Variants in RSF1 observed in about 807,000 individuals in gnomAD.
RSF1 encodes the protein remodeling and spacing factor 1.
A neutral mutation model predicts 145.2 loss-of-function variants in RSF1; 13 were observed. That is an observed-to-expected ratio of 0.09 (90% confidence interval 0.06 to 0.14). RSF1 has a LOEUF of 0.14. Among genes scored for constraint, RSF1 ranks in the 10% least tolerant of loss-of-function variants. The pLI, the probability that RSF1 is intolerant of heterozygous loss-of-function variation, is 1.00. For synonymous variants in RSF1, 577 were observed against 592.6 expected, an observed-to-expected ratio of 0.97 and a Z score of 0.38; for missense variants, 1,517 against 1,718.2, an observed-to-expected ratio of 0.88 and a Z score of 2.07.
chr11:77,687,890 A>AT (rs1590829958), intron 9 of RSF1, among the ~76,000 whole-genome samples: 1 of 152,314 alleles, frequency 6.6e-6, no homozygotes, highest in South Asian at 2.1e-4. Context: ...TGTTGTCAAA[A>AT]TTTTTTCATC....
intron 1 of RSF1, among the ~76,000 whole-genome samples, chr11:77,795,777 A>G (rs923681446): frequency 1.3e-5 from 2 of 152,250 alleles, no homozygotes; most frequent in Non-Finnish European, 2.9e-5. Context: ...TCTTCAGGAC[A>G]CTGACCTAGG....
chr11:77,676,590 T>C (rs868753794), intron 13 of RSF1, among the ~76,000 whole-genome samples: 6 of 152,336 alleles, frequency 3.9e-5, no homozygotes, highest in Middle Eastern at 6.8e-3. Flanking sequence ...TAAACAACCA[T>C]AAATCTATTT....
intron 14 of RSF1, among the ~76,000 whole-genome samples, chr11:77,674,157 A>G (rs1015735738): frequency 4.6e-5 from 7 of 152,210 alleles, no homozygotes; most frequent in Non-Finnish European, 8.8e-5. Flanking sequence ...ATAAAGGGGC[A>G]TGATATTATC....
chr11:77,660,708 C>T lies in RSF1; in HGVS notation c.*6209G>A, dbSNP rs57229097. 9.2e-5 allele frequency: 14 copies of T among 152,180 alleles called. No homozygotes were observed. The highest frequency in any genetic ancestry group is 3.4e-3 in the Middle Eastern group (1 of 294). 9.4% of individuals were successfully genotyped at this position (152,180 alleles called of 1,614,324 possible). A position where few individuals can be genotyped will look rare whatever the true frequency, so the allele number is the denominator to read the frequency against. On this transcript the variant is annotated 3_prime_UTR_variant, in exon 16 of 16. Transcript: ENST00000308488. ...ACTTTAAATCAAAATTCTAAAGATA[C>T]CATTTATAAATTTTTATGTGGAATT... is the stretch of plus-strand genomic sequence containing the variant.
intron 1 of RSF1, among the ~76,000 whole-genome samples, chr11:77,788,414 T>C (rs758947416): frequency 9.3e-5 from 12 of 128,958 alleles, no homozygotes; most frequent in Admixed American, 4.7e-4. Context: ...AAGGTTAATA[T>C]AAAAAAAGAC....
chr11:77,745,051 T>C (rs1947985448), intron 3 of RSF1, among the ~76,000 whole-genome samples: 2 of 144,908 alleles, frequency 1.4e-5, no homozygotes, highest in Non-Finnish European at 3.0e-5. Context: ...TTCTAGTATA[T>C]ATCCATTTTT....
At chr11:77,828,666 T>G in the RSF1 span, among the ~76,000 whole-genome samples, 1 of 137,652 alleles carries the variant, frequency 7.3e-6, no homozygotes, top group African/African-American at 2.8e-5. Context: ...TGAGACTCCA[T>G]CTCGAAAAAA....
chr11:77,869,783 T>C, the RSF1 span: 3 of 1,614,010 alleles, frequency 1.9e-6, no homozygotes, highest in East Asian at 2.2e-5. Context: ...GTACAGACTC[T>C]TGTGATTGGC....
At chr11:77,688,421 G>C (rs1960066232) in intron 9 of RSF1, among the ~76,000 whole-genome samples, 1 of 152,182 alleles carries the variant, frequency 6.6e-6, no homozygotes, top group Non-Finnish European at 1.5e-5. Flanking sequence ...AAACAGATTT[G>C]AGCAAGATGG....
At chr11:77,827,802 C>A in the RSF1 span, among the ~76,000 whole-genome samples, 1 of 152,038 alleles carries the variant, frequency 6.6e-6, no homozygotes. Context: ...AAAAGGCATC[C>A]AGATTGGCAT....
At chr11:77,756,358 CAA>C (rs936128985) in intron 2 of RSF1, among the ~76,000 whole-genome samples, 20 of 54,302 alleles carry the variant, frequency 3.7e-4, no homozygotes, top group Admixed American at 4.2e-4. Context: ...AACTCTGTCT[CAA>C]AAAAAAAAAA....
chr11:77,806,689 GAGAA>G (rs1286252772), intron 1 of RSF1, among the ~76,000 whole-genome samples: 2 of 150,966 alleles, frequency 1.3e-5, no homozygotes, highest in Admixed American at 6.6e-5. Context: ...TCTAAATAAA[GAGAA>G]AGAAAGAAAG....
At chr11:77,711,939 C>T (rs80331869) in intron 5 of RSF1, among the ~76,000 whole-genome samples, 2,716 of 152,058 alleles carry the variant, frequency 0.018, 80 homozygotes, top group African/African-American at 0.062. Context: ...CTCTTCTGAC[C>T]CTGACACAGT....
intron 1 of RSF1, among the ~76,000 whole-genome samples, chr11:77,817,175 A>T (rs1318354398): frequency 6.6e-6 from 1 of 152,236 alleles, no homozygotes; most frequent in Non-Finnish European, 1.5e-5. Flanking sequence ...CAGAAATAAT[A>T]ACACTTCCAC....
rs750957158 is a variant in RSF1 at position 77,701,065 on chromosome 11, T to G, written c.2164A>C (p.Thr722Pro). Reference protein sequence around the residue: ...PEEETTASENTEITSERQKEG... With the variant: ...PEEETTASENPEITSERQKEG... ...TTCTGCCTTTCAGAGGTTATCTCTG[T>G]ATTTTCTGAGGCAGTGGTTTCTTCT... is the stretch of plus-strand genomic sequence containing the variant. Residue 722 changes from threonine to proline, a missense_variant, in exon 6 of 16, where the codon ACA becomes CCA. This residue lies in a region of RSF1 where 579 missense variants were observed against 553.5 expected (regional missense o/e 1.05). Coordinates refer to ENST00000308488, the MANE Select transcript of RSF1 (RefSeq NM_016578.4). The G allele has an allele frequency of 3.7e-6, 6 of 1,613,884 alleles. No homozygotes were observed. The highest frequency in any genetic ancestry group is 1.6e-4 in the Middle Eastern group (1 of 6,062).
chr11:77,859,763 T>C, the RSF1 span, among the ~76,000 whole-genome samples: 2 of 152,246 alleles, frequency 1.3e-5, no homozygotes, highest in Non-Finnish European at 2.9e-5. Flanking sequence ...AATTACTTGT[T>C]GACAGTTATG....
rs1362052041 is a variant in RSF1, at chr11:77,662,274, C to A, written c.*4643G>T. ...TTATGATGTGCCAGAATTGGGTTTACTGAATTTTCCAAAGTGGTATAAATA... is the reference window on the plus strand; with the variant it reads ...TTATGATGTGCCAGAATTGGGTTTAATGAATTTTCCAAAGTGGTATAAATA... On this transcript the variant is annotated 3_prime_UTR_variant, in exon 16 of 16. Transcript: ENST00000308488. 3 of 151,326 alleles carry A rather than the reference C, an allele frequency of 2.0e-5. No homozygotes were observed. The highest frequency in any genetic ancestry group is 4.4e-5 in the Non-Finnish European group (3 of 67,884). 9.4% of individuals were successfully genotyped at this position (151,326 alleles called of 1,614,324 possible).
At chr11:77,671,517 A>G (rs1959549527) in intron 15 of RSF1, among the ~76,000 whole-genome samples, 1 of 152,100 alleles carries the variant, frequency 6.6e-6, no homozygotes, top group Non-Finnish European at 1.5e-5. Flanking sequence ...AGTTTCAATG[A>G]AAATTTAAAT....
At chr11:77,718,534 T>C (rs571686912) in intron 5 of RSF1, 61 of 152,306 alleles carry the variant, frequency 4.0e-4, no homozygotes, top group Admixed American at 1.9e-3. Flanking sequence ...AATTCATATA[T>C]TGAAGCCCTA....
Sources: allele counts gnomAD v4.1 joint callset (sites outside exome capture counted in the v4.1 genomes callset), GRCh38; gene constraint gnomAD v4.1.1; regional missense constraint gnomAD v4.1.1; transcripts MANE v1.5; gene names NCBI Gene and HGNC (gene_info 2026-07-23, HGNC 2026-07-21).